Variants in DPYD observed in about 807,000 individuals in gnomAD.
DPYD encodes dihydropyrimidine dehydrogenase [NADP(+)].
A neutral mutation model predicts 116.2 loss-of-function variants in DPYD; 109 were observed. The ratio of observed to expected loss-of-function variants is 0.94; its 90% CI spans 0.80 to 1.10. The LOEUF (loss-of-function observed/expected upper bound fraction) is 1.10, where lower values mean the gene tolerates loss of function less well. DPYD is among the 50% of genes least tolerant of loss of function. The pLI is 0.00. For missense variants in DPYD, 1,302 were observed against 1,254.5 expected, an observed-to-expected ratio of 1.04 and a Z score of -0.57; for synonymous variants, 440 against 432.0, an observed-to-expected ratio of 1.02 and a Z score of -0.23.
At chr1:97,675,474 C>T (rs1267824527) in intron 8 of DPYD, among the ~76,000 whole-genome samples, 1 of 152,206 alleles carries the variant, frequency 6.6e-6, no homozygotes, top group Non-Finnish European at 1.5e-5. Context: ...CAATGATGTA[C>T]ATTCAATGAG....
intron 18 of DPYD, among the ~76,000 whole-genome samples, chr1:97,246,914 G>T (rs1390827882): frequency 6.6e-6 from 1 of 151,928 alleles, no homozygotes; most frequent in Admixed American, 6.6e-5. Flanking sequence ...GCTATTTACT[G>T]CCAATAAAAA....
At chr1:97,424,954 A>C (rs549443191) in intron 14 of DPYD, among the ~76,000 whole-genome samples, 1 of 152,168 alleles carries the variant, frequency 6.6e-6, no homozygotes, top group South Asian at 2.1e-4. Flanking sequence ...CAGATCTGAA[A>C]ATTTTTTTGT....
intron 8 of DPYD, among the ~76,000 whole-genome samples, chr1:97,629,471 T>C (rs1170674834): frequency 6.6e-6 from 1 of 152,060 alleles, no homozygotes; most frequent in East Asian, 1.9e-4. Flanking sequence ...ATTCATCGTT[T>C]GAAGGCTGCT....
intron 14 of DPYD, among the ~76,000 whole-genome samples, chr1:97,415,324 T>C (rs2101680045): frequency 6.6e-6 from 1 of 152,264 alleles, no homozygotes; most frequent in South Asian, 2.1e-4. Context: ...GAAATAACAC[T>C]TCATCTACAA....
At chr1:97,615,982 A>G (rs891658275) in intron 8 of DPYD, among the ~76,000 whole-genome samples, 3 of 152,052 alleles carry the variant, frequency 2.0e-5, no homozygotes, top group Non-Finnish European at 2.9e-5. Flanking sequence ...CTTATGAAGC[A>G]TATGATACGT....
intron 20 of DPYD, among the ~76,000 whole-genome samples, chr1:97,192,603 G>A (rs948454569): frequency 5.9e-5 from 9 of 152,124 alleles, no homozygotes; most frequent in Non-Finnish European, 8.8e-5. Context: ...GACCATAACC[G>A]TTTGAGACCG....
intron 8 of DPYD, among the ~76,000 whole-genome samples, chr1:97,663,793 C>A (rs1659400915): frequency 6.6e-6 from 1 of 152,148 alleles, no homozygotes; most frequent in African/African-American, 2.4e-5. Context: ...AAAACTCTAG[C>A]AAGAATATAG....
At chr1:97,574,138 T>C (rs1377319555) in intron 10 of DPYD, among the ~76,000 whole-genome samples, 168 bp from the exon 11 acceptor site, 1 of 152,160 alleles carries the variant, frequency 6.6e-6, no homozygotes, top group Non-Finnish European at 1.5e-5. Flanking sequence ...ATTTTGTAAA[T>C]CACTGACTCA....
chr1:97,828,303 A>C, intron 2 of DPYD, 107 bp from the exon 3 acceptor site: 1 of 938,280 alleles, frequency 1.1e-6, no homozygotes, highest in Non-Finnish European at 1.7e-6. Flanking sequence ...GGACTCATGA[A>C]AAATATGCAT....
chr1:97,596,746 T>A (rs1227700021), intron 8 of DPYD, among the ~76,000 whole-genome samples: 2 of 152,194 alleles, frequency 1.3e-5, no homozygotes, highest in South Asian at 2.1e-4. Context: ...GTGGGTTGCC[T>A]GTAATCAGCA....
At chr1:97,399,227 T>A (rs1029356765) in intron 14 of DPYD, among the ~76,000 whole-genome samples, 1 of 152,222 alleles carries the variant, frequency 6.6e-6, no homozygotes, top group Non-Finnish European at 1.5e-5. Flanking sequence ...TGCTTGTTTT[T>A]GTCAGGTTTG....
chr1:97,506,584 G>T (rs1464751783), intron 13 of DPYD, among the ~76,000 whole-genome samples: 4 of 151,798 alleles, frequency 2.6e-5, no homozygotes, highest in African/African-American at 9.7e-5. Context: ...TTACAAGTTA[G>T]ATTCATCTAC....
chr1:97,766,293 T>C (rs1665852885), intron 3 of DPYD, among the ~76,000 whole-genome samples: 2 of 152,006 alleles, frequency 1.3e-5, no homozygotes, highest in African/African-American at 4.8e-5. Context: ...AGTAAGATAA[T>C]ATACCTAATG....
intron 2 of DPYD, among the ~76,000 whole-genome samples, chr1:97,844,465 A>C (rs1670192115): frequency 6.6e-6 from 1 of 152,128 alleles, no homozygotes; most frequent in Admixed American, 6.5e-5. Flanking sequence ...GTTAAAAATG[A>C]CCAATAATTT....
chr1:97,185,199 T>C (rs1657911470), intron 20 of DPYD, among the ~76,000 whole-genome samples: 2 of 151,978 alleles, frequency 1.3e-5, no homozygotes, highest in African/African-American at 2.4e-5. Context: ...GTTCACAGAG[T>C]AAGATACATG....
Position 97,234,852 on chromosome 1 carries a change from C to A in DPYD, c.2442G>T (p.Gln814His). The stretch of plus-strand genomic sequence containing the variant: ...AGGGACAGACAAACACAATGACTAC[C>A]TGGAGGACGGAAGCACCACTATGGA... ...QFLHSGASVL[Q>H]VCSAIQNQDF... The change falls in exon 19 of 23, where the codon CAG (glutamine) becomes CAT (histidine). Residue 814 changes from glutamine to histidine, a missense_variant and splice_region_variant. By Grantham distance (24) the Gln-to-His change is conservative. Coordinates refer to ENST00000370192, the MANE Select transcript of DPYD (RefSeq NM_000110.4). 1 of 1,613,848 alleles carries A rather than the reference C, an allele frequency of 6.2e-7. No individual in the cohort carries two copies. The highest frequency in any genetic ancestry group is 8.5e-7 in the Non-Finnish European group (1 of 1,179,926).
intron 5 of DPYD, 32 bp from the exon 6 acceptor site, chr1:97,699,579 T>G: frequency 6.2e-7 from 1 of 1,603,436 alleles, no homozygotes; most frequent in African/African-American, 1.3e-5. Flanking sequence ...TGGTTAAAAT[T>G]TTGAAACTAG....
At chr1:97,791,475 T>C (rs1368650654) in intron 3 of DPYD, among the ~76,000 whole-genome samples, 2 of 152,194 alleles carry the variant, frequency 1.3e-5, no homozygotes, top group Non-Finnish European at 2.9e-5. Flanking sequence ...CTAATGTAGA[T>C]TCATACTACA....
chr1:97,483,875 A>C (rs4451581), intron 13 of DPYD, among the ~76,000 whole-genome samples: 121,669 of 151,726 alleles, frequency 0.8, 49,085 homozygotes, highest in Non-Finnish European at 0.85. Context: ...TTCCTAGCTA[A>C]CAGAACTGTG....
Sources: allele counts gnomAD v4.1 joint callset (sites outside exome capture counted in the v4.1 genomes callset), GRCh38; gene constraint gnomAD v4.1.1; transcripts MANE v1.5; gene names NCBI Gene and HGNC (gene_info 2026-07-23, HGNC 2026-07-21).